PTPRD: variants seen among roughly 807,000 people sequenced by gnomAD.
PTPRD encodes the protein protein tyrosine phosphatase receptor type D, also known as receptor-type tyrosine-protein phosphatase delta.
PTPRD carries 34 observed loss-of-function variants against 214.5 expected under a neutral mutation model. That is an observed-to-expected ratio of 0.16 (90% CI 0.12 to 0.21). The LOEUF (loss-of-function observed/expected upper bound fraction) is 0.21. PTPRD is among the 10% of genes least tolerant of loss of function. PTPRD has a pLI of 1.00. For synonymous variants in PTPRD, 1,128 were observed against 845.7 expected (o/e 1.33, Z -5.79); for missense variants, 2,545 against 2,398.7 (o/e 1.06, Z -1.27).
intron 12 of PTPRD, among the ~76,000 whole-genome samples, chr9:8,714,011 T>C (rs541260358): frequency 6.6e-6 from 1 of 152,358 alleles, no homozygotes; most frequent in African/African-American, 2.4e-5. Context: ...CAGTTAGTCC[T>C]ATCAGAATGC....
At chr9:8,950,349 A>G (rs1407837969) in intron 11 of PTPRD, among the ~76,000 whole-genome samples, 2 of 152,148 alleles carry the variant, frequency 1.3e-5, no homozygotes, top group African/African-American at 4.8e-5. Context: ...TTTCCAACAT[A>G]TTCCTCACAA....
intron 23 of PTPRD, among the ~76,000 whole-genome samples, chr9:8,502,387 C>T (rs4409447): frequency 0.095 from 14,384 of 152,062 alleles, 761 homozygotes; most frequent in East Asian, 0.16. Context: ...TGACTCTTAA[C>T]ATTACGGAGT....
chr9:10,237,813 A>T (rs1284090135), intron 3 of PTPRD, among the ~76,000 whole-genome samples: 2 of 151,988 alleles, frequency 1.3e-5, no homozygotes, highest in African/African-American at 2.4e-5. Flanking sequence ...TTATGAGTAT[A>T]GTGTCCATGT....
chr9:9,062,335 A>C (rs1387490782), intron 10 of PTPRD, among the ~76,000 whole-genome samples: 1 of 152,220 alleles, frequency 6.6e-6, no homozygotes, highest in Non-Finnish European at 1.5e-5. Flanking sequence ...ATTAGTAAGC[A>C]ACTGATTAAC....
chr9:10,316,866 G>C (rs1433633887), intron 3 of PTPRD, among the ~76,000 whole-genome samples: 1 of 151,844 alleles, frequency 6.6e-6, no homozygotes, highest in Admixed American at 6.6e-5. Flanking sequence ...AAGTGAATAA[G>C]AAGCTAACAA....
chr9:8,789,156 G>A (rs971373219), intron 11 of PTPRD, among the ~76,000 whole-genome samples: 1 of 152,056 alleles, frequency 6.6e-6, no homozygotes, highest in African/African-American at 2.4e-5. Context: ...GGCTCAATTA[G>A]AGTATGAGTA....
In PTPRD at chr9:8,959,179, C is replaced by G. The variant is rs976885748; in HGVS notation, c.-104+59518G>C. Among the ~76,000 whole-genome samples the G allele has an allele frequency of 2.6e-4, 39 of 152,008 alleles. 1 individual carries two copies. The highest frequency in any genetic ancestry group is 7.0e-4 in the African/African-American group (29 of 41,494). ...CATTTATCAAATATTCATTGAGCAC[C>G]CATCATGTGTAAGACACAGTGAAAG... is the stretch of plus-strand genomic sequence containing the variant. On this transcript the variant is annotated intron_variant, in intron 11 of 45. Coordinates refer to ENST00000381196, the MANE Select transcript of PTPRD (RefSeq NM_002839.4).
chr9:8,675,280 T>C lies in PTPRD; in HGVS notation c.65-38436A>G, dbSNP rs951095251. 3.3e-5 allele frequency among the ~76,000 whole-genome samples: 5 copies of C among 152,200 alleles called. No homozygotes were observed. The East Asian group carries it at 7.7e-4, about 24-fold the overall frequency. ...CCTCAAGTGTGAGGGGTGGAAATTTTTGTACCTATTTTATGGAATTGCTAT... is the reference window on the plus strand; with the variant it reads ...CCTCAAGTGTGAGGGGTGGAAATTTCTGTACCTATTTTATGGAATTGCTAT... On this transcript the variant is annotated intron_variant, in intron 12 of 45. Coordinates refer to ENST00000381196, the MANE Select transcript of PTPRD (RefSeq NM_002839.4).
At chr9:9,590,246 T>C (rs1416330289) in intron 7 of PTPRD, among the ~76,000 whole-genome samples, 1 of 151,962 alleles carries the variant, frequency 6.6e-6, no homozygotes, top group East Asian at 1.9e-4. Context: ...ATCACAAGAA[T>C]TTTTTTCTGT....
At chr9:9,003,030 T>A (rs963896383) in intron 11 of PTPRD, among the ~76,000 whole-genome samples, 1 of 152,082 alleles carries the variant, frequency 6.6e-6, no homozygotes, top group Non-Finnish European at 1.5e-5. Flanking sequence ...CATGAAATGC[T>A]TTTAATGCCT....
At position 10,245,126 on chromosome 9, in the gene PTPRD, A is replaced by G. The variant is rs560732579; in HGVS notation, c.-545+95837T>C. Among the ~76,000 whole-genome samples, 140 of 152,296 alleles carry G rather than the reference A, an allele frequency of 9.2e-4. 1 individual carries two copies. The highest frequency in any genetic ancestry group is 3.2e-3 in the African/African-American group (132 of 41,576). ...TATTGACAGACATTTTACCCTAAAC[A>G]TAGTGAAAAATGAAATTAAATTTCA... On this transcript the variant is annotated intron_variant, in intron 3 of 45. Coordinates refer to ENST00000381196, the MANE Select transcript of PTPRD (RefSeq NM_002839.4).
intron 10 of PTPRD, among the ~76,000 whole-genome samples, chr9:9,154,991 G>A (rs1013788833): frequency 3.3e-5 from 5 of 152,100 alleles, no homozygotes; most frequent in Admixed American, 2.0e-4. Flanking sequence ...GAGATTCATA[G>A]GTTTTCTTAA....
chr9:9,951,665 C>T (rs1220228750), intron 4 of PTPRD, among the ~76,000 whole-genome samples: 1 of 152,216 alleles, frequency 6.6e-6, no homozygotes, highest in African/African-American at 2.4e-5. Context: ...ACATTCCTTC[C>T]TACAGCCCCT....
intron 5 of PTPRD, among the ~76,000 whole-genome samples, chr9:9,793,917 C>A (rs1221069326): frequency 3.3e-5 from 5 of 151,784 alleles, no homozygotes; most frequent in African/African-American, 4.8e-5. Context: ...GAAATTCAAC[C>A]CACTACTTCC....
chr9:8,749,880 T>C (rs1056268266), intron 11 of PTPRD, among the ~76,000 whole-genome samples: 2 of 152,078 alleles, frequency 1.3e-5, no homozygotes, highest in African/African-American at 4.8e-5. Context: ...GGAGGGTGGA[T>C]GATCTGAAGT....
intron 8 of PTPRD, among the ~76,000 whole-genome samples, chr9:9,488,002 A>T (rs902930426): frequency 6.6e-6 from 1 of 152,150 alleles, no homozygotes; most frequent in Non-Finnish European, 1.5e-5. Context: ...TTTTATTTTT[A>T]TACTATTTGT....
chr9:9,622,557 C>T (rs191903115), intron 7 of PTPRD, among the ~76,000 whole-genome samples: 36 of 152,258 alleles, frequency 2.4e-4, no homozygotes, highest in Non-Finnish European at 4.0e-4. Flanking sequence ...ATTTCTGATA[C>T]GCTGCATTTC....
intron 3 of PTPRD, among the ~76,000 whole-genome samples, chr9:10,284,711 G>T (rs1480121325): frequency 6.6e-6 from 1 of 152,060 alleles, no homozygotes; most frequent in Non-Finnish European, 1.5e-5. Context: ...AAGCTCATTT[G>T]GTTGTCACCA....
At chr9:8,345,597 G>C (rs1462678709) in intron 39 of PTPRD, among the ~76,000 whole-genome samples, 1 of 152,022 alleles carries the variant, frequency 6.6e-6, no homozygotes, top group Admixed American at 6.6e-5. Context: ...CAAGGGTGGA[G>C]ATTGTGTCAT....
Sources: gnomAD v4.1 joint callset for allele counts (sites outside exome capture counted in the v4.1 genomes callset) on GRCh38, gnomAD v4.1.1 for gene constraint, MANE v1.5 for transcripts, NCBI Gene and HGNC (gene_info 2026-07-23, HGNC 2026-07-21) for gene names.